Variants in ADAMTS17 observed in about 807,000 individuals in gnomAD.
The protein encoded by ADAMTS17 is ADAM metallopeptidase with thrombospondin type 1 motif 17.
Under a neutral mutation model 141.5 loss-of-function variants are expected in ADAMTS17, and 113 were observed. The observed-to-expected ratio is 0.80, with a 90% CI of 0.69 to 0.93. The LOEUF (loss-of-function observed/expected upper bound fraction) is 0.93. Among genes scored for constraint, ADAMTS17 ranks in the 40% least tolerant of loss-of-function variants. ADAMTS17 has a pLI of 0.00. For synonymous variants in ADAMTS17, 768 were observed against 630.6 expected (o/e 1.22, Z -3.27); for missense variants, 1,659 against 1,517.9 (o/e 1.09, Z -1.54).
At chr15:100,162,791 T>C (rs1218012295) in intron 8 of ADAMTS17, among the ~76,000 whole-genome samples, 1 of 146,054 alleles carries the variant, frequency 6.8e-6, no homozygotes, top group African/African-American at 2.5e-5. Flanking sequence ...CATATGCACA[T>C]ATACACAGTA....
At position 100,199,616 on chromosome 15, in the gene ADAMTS17, G is replaced by A. The variant is rs556946203; in HGVS notation, c.1076-193C>T. On this transcript the variant is annotated intron_variant, in intron 7 of 21. Coordinates refer to ENST00000268070, the MANE Select transcript of ADAMTS17 (RefSeq NM_139057.4). ...TTCACCCAATAAAACAATAACCACC[G>A]CAAGCATCCATCAGGCATCTAATAC... is the stretch of plus-strand genomic sequence containing the variant. Among the ~76,000 whole-genome samples the A allele has an allele frequency of 2.0e-5, 3 of 152,264 alleles. No individual in the cohort carries two copies. In the South Asian group the frequency reaches 6.2e-4, roughly 32 times the overall value.
intron 7 of ADAMTS17, among the ~76,000 whole-genome samples, chr15:100,223,852 T>C (rs946534139): frequency 2.0e-5 from 3 of 151,992 alleles, no homozygotes; most frequent in Middle Eastern, 3.4e-3. Context: ...GTTTATTAAG[T>C]ATTAACTTAT....
chr15:100,258,666 C>CA (rs1567443083), intron 6 of ADAMTS17, among the ~76,000 whole-genome samples: 11 of 57,218 alleles, frequency 1.9e-4, no homozygotes, highest in African/African-American at 9.3e-4. Context: ...TTCTATTGGT[C>CA]CCTCCCACAA....
chr15:100,186,275 A>G (rs2040713786), intron 8 of ADAMTS17, among the ~76,000 whole-genome samples: 1 of 152,218 alleles, frequency 6.6e-6, no homozygotes, highest in Non-Finnish European at 1.5e-5. Context: ...GCACATGGCG[A>G]GTGCATGGAC....
intron 14 of ADAMTS17, among the ~76,000 whole-genome samples, chr15:100,107,862 G>A (rs1231419282): frequency 6.6e-6 from 1 of 152,138 alleles, no homozygotes; most frequent in East Asian, 1.9e-4. Flanking sequence ...TATCGTTACA[G>A]GTGCCCAAGC....
At position 100,244,162 on chromosome 15, in the gene ADAMTS17, A is replaced by T. The variant is rs186634940; in HGVS notation, c.1075+9974T>A. On this transcript the variant is annotated intron_variant, in intron 7 of 21. Transcript: ENST00000268070. ...GGGAACTCCTCTTTATGAAACTATC[A>T]GATCTCATGAGACTTATTCCCTATC... Among the ~76,000 whole-genome samples the T allele has an allele frequency of 1.9e-3, 292 of 152,072 alleles. 1 individual carries two copies. Among genetic ancestry groups the T allele is most frequent in the Admixed American group, 3.1e-3 (47 of 15,298 alleles).
chr15:100,133,452 CTG>C, intron 10 of ADAMTS17, 137 bp from the exon 11 acceptor site: 1 of 778,330 alleles, frequency 1.3e-6, no homozygotes, highest in South Asian at 1.5e-5. Flanking sequence ...GGTCATAAGT[CTG>C]TATGTCCAAA....
At chr15:100,184,961 T>A (rs1567316920) in intron 8 of ADAMTS17, among the ~76,000 whole-genome samples, 1 of 152,220 alleles carries the variant, frequency 6.6e-6, no homozygotes. Flanking sequence ...TGTCTACTCC[T>A]CTGTCTCCAA....
At chr15:100,192,587 C>T (rs2040959615) in intron 8 of ADAMTS17, among the ~76,000 whole-genome samples, 1 of 152,208 alleles carries the variant, frequency 6.6e-6, no homozygotes, top group African/African-American at 2.4e-5. Context: ...GTGGAGCACT[C>T]AGGCCAAACA....
chr15:100,185,340 G>C (rs1453140861), intron 8 of ADAMTS17, among the ~76,000 whole-genome samples: 1 of 152,080 alleles, frequency 6.6e-6, no homozygotes, highest in African/African-American at 2.4e-5. Flanking sequence ...TGCTCAACAG[G>C]GTACACATGT....
chr15:100,241,188 T>C (rs1052084132), intron 7 of ADAMTS17, among the ~76,000 whole-genome samples: 2 of 152,190 alleles, frequency 1.3e-5, no homozygotes, highest in Non-Finnish European at 2.9e-5. Context: ...GAATCTAATA[T>C]GGGTGGAGTA....
chr15:100,202,935 G>A (rs1442391215), intron 7 of ADAMTS17, among the ~76,000 whole-genome samples: 1 of 152,160 alleles, frequency 6.6e-6, no homozygotes, highest in East Asian at 1.9e-4. Flanking sequence ...TTCACATCCA[G>A]CCTTCTATGA....
chr15:100,281,032 G>C (rs56388124), intron 4 of ADAMTS17, among the ~76,000 whole-genome samples, 197 bp downstream of exon 4: 5 of 151,920 alleles, frequency 3.3e-5, no homozygotes, highest in South Asian at 2.1e-4. Context: ...GTGTGGAGCC[G>C]AGGGCAGGTG....
chr15:100,007,270 A>G (rs991091612), intron 18 of ADAMTS17, among the ~76,000 whole-genome samples: 1 of 152,142 alleles, frequency 6.6e-6, no homozygotes, highest in African/African-American at 2.4e-5. Flanking sequence ...GGTGCAACTG[A>G]CAAGTCTGGG....
chr15:100,261,618 G>A lies in ADAMTS17; in HGVS notation c.892C>T (p.His298Tyr). 2.5e-6 allele frequency: 4 copies of A among 1,613,882 alleles called. No homozygotes were observed. The highest frequency in any genetic ancestry group is 3.4e-6 in the Non-Finnish European group (4 of 1,179,910). The part of the protein sequence containing the change: ...RQRPAKLSIG[H>Y]HGERSLESFC... ...CTCTCCAGGGACCGCTCACCATGGT[G>A]CCCAATGGACAACTTAGCCTAAAAA... The change falls in exon 6 of 22, where the codon CAC becomes TAC. Residue 298 changes from histidine (H) to tyrosine (Y), a missense_variant. Physicochemically the swap from His to Tyr is moderately conservative, Grantham distance 83. Coordinates refer to ENST00000268070, the MANE Select transcript of ADAMTS17 (RefSeq NM_139057.4).
At chr15:100,205,780 A>G (rs935225810) in intron 7 of ADAMTS17, among the ~76,000 whole-genome samples, 2 of 152,238 alleles carry the variant, frequency 1.3e-5, no homozygotes, top group African/African-American at 4.8e-5. Context: ...GCCTAGGGGA[A>G]GCAGCCTCCA....
intron 15 of ADAMTS17, among the ~76,000 whole-genome samples, chr15:100,068,111 C>T (rs145672828): frequency 1.3e-5 from 2 of 152,260 alleles, no homozygotes; most frequent in Admixed American, 6.5e-5. Flanking sequence ...TTATATCCTG[C>T]GCATGTCTCG....
intron 3 of ADAMTS17, among the ~76,000 whole-genome samples, chr15:100,326,022 G>A (rs1471531645): frequency 6.6e-6 from 1 of 152,150 alleles, no homozygotes; most frequent in Non-Finnish European, 1.5e-5. Context: ...CCCTGGGTCT[G>A]TGCAGCTTTG....
intron 4 of ADAMTS17, among the ~76,000 whole-genome samples, chr15:100,271,585 G>GCTT (rs1567465022): frequency 6.7e-6 from 1 of 149,302 alleles, no homozygotes. Flanking sequence ...AAATTGAATT[G>GCTT]TTTTTTTTTT....
Sources: gnomAD v4.1 joint callset for allele counts (sites outside exome capture counted in the v4.1 genomes callset) on GRCh38, gnomAD v4.1.1 for gene constraint, MANE v1.5 for transcripts, NCBI Gene and HGNC (gene_info 2026-07-23, HGNC 2026-07-21) for gene names.